The following NWD1 variants were observed in gnomAD, a reference collection of about 807,000 sequenced individuals.
The protein encoded by NWD1 is NACHT domain- and WD repeat-containing protein 1.
Under a neutral mutation model 135.1 loss-of-function variants are expected in NWD1, and 129 were observed. The ratio of observed to expected loss-of-function variants is 0.96; its 90% confidence interval spans 0.83 to 1.11. The LOEUF (loss-of-function observed/expected upper bound fraction) is 1.11, where lower values mean the gene tolerates loss of function less well. Ranked by LOEUF, NWD1 falls within the 50% of genes least tolerant of loss-of-function variation. The probability of loss-of-function intolerance (pLI) is 0.00; values close to 1 mark genes in which losing one functional copy is unlikely to be tolerated. For synonymous variants in NWD1, 773 were observed against 786.0 expected (o/e 0.98, Z 0.28); for missense variants, 1,740 against 1,851.3 (o/e 0.94, Z 1.10).
Position 16,790,645 on chromosome 19 carries a change from AT to A in NWD1, c.2941-704del, listed in dbSNP as rs199698658. Among the ~76,000 whole-genome samples, 436 of 118,356 alleles carry A rather than the reference AT, an allele frequency of 3.7e-3. 1 individual carries two copies. The highest frequency in any genetic ancestry group is 0.017 in the African/African-American group (342 of 20,240). The allele number at this position is 118,356 out of a possible 152,430, so 77.6% of individuals were successfully genotyped here. A position where few individuals can be genotyped will look rare whatever the true frequency, so the allele number is the denominator to read the frequency against. On this transcript the variant is annotated intron_variant, in intron 13 of 18. Transcript: ENST00000524140. ...TGAAAGTAACATTAAAAAAAAATAA[AT>A]AAATAAATAAATAAATAAATAAATA...
At chr19:16,729,939 AAAAG>A (rs1967489381) in intron 2 of NWD1, among the ~76,000 whole-genome samples, 1 of 151,932 alleles carries the variant, frequency 6.6e-6, no homozygotes, top group Admixed American at 6.6e-5. Context: ...GGAAAGAAGG[AAAAG>A]AAAGAAAGAT....
chr19:16,794,645 G>A lies in NWD1; in HGVS notation c.3304+92G>A, dbSNP rs376063372. 305 of 894,384 alleles carry A rather than the reference G, an allele frequency of 3.4e-4. 1 individual carries two copies. In the South Asian group the frequency reaches 4.2e-3, roughly 12 times the overall value. The allele number at this position is 894,384 out of a possible 1,614,324, so 55.4% of individuals were successfully genotyped here. Reference sequence around the variant, plus strand: ...GGCTTGGGAACAGAGAGAAGTCCTAGGGCCAGAGGTTAGCAACGTTTTCTG... The same window carrying A: ...GGCTTGGGAACAGAGAGAAGTCCTAAGGCCAGAGGTTAGCAACGTTTTCTG... On this transcript the variant is annotated intron_variant, in intron 15 of 18. Transcript: ENST00000524140.
intron 2 of NWD1, among the ~76,000 whole-genome samples, chr19:16,725,290 C>A (rs1170035207): frequency 1.3e-5 from 2 of 151,848 alleles, no homozygotes; most frequent in Non-Finnish European, 2.9e-5. Context: ...AGGCATGATC[C>A]ACTGGGCCCA....
chr19:16,744,919 C>G (rs1257829476), intron 5 of NWD1: 1 of 654,806 alleles, frequency 1.5e-6, no homozygotes, highest in East Asian at 2.7e-5. Flanking sequence ...ATCTTGGTCT[C>G]AGGATCTTCC....
At chr19:16,744,942 C>T in intron 5 of NWD1, 1 of 649,884 alleles carries the variant, frequency 1.5e-6, no homozygotes, top group South Asian at 1.7e-5. Flanking sequence ...TCCTCGCTGG[C>T]TCTTTCTTCT....
At position 16,807,756 on chromosome 19, in the gene NWD1, A is replaced by C. The variant is rs760712988; in HGVS notation, c.3907A>C (p.Asn1303His). 2 of 1,613,284 alleles carry C rather than the reference A, an allele frequency of 1.2e-6. No homozygotes were observed. Among genetic ancestry groups the C allele is most frequent in the Middle Eastern group, 1.6e-4 (1 of 6,062 alleles). Residue 1303 changes from asparagine (N) to histidine (H), a missense_variant, in exon 18 of 19, where the codon AAC becomes CAC. Coordinates refer to ENST00000524140, the MANE Select transcript of NWD1 (RefSeq NM_001007525.5). ...CCCTCCCGAGGCCCGGAAAGCAATC[A>C]ACTGCATGTCCCTGAGCAAGTGCGA... Reference protein sequence around the residue: ...IPPPEARKAINCMSLSKCEDR... With the variant: ...IPPPEARKAIHCMSLSKCEDR...
At chr19:16,782,876 CTT>C (rs1412371766) in intron 12 of NWD1, among the ~76,000 whole-genome samples, 1 of 148,860 alleles carries the variant, frequency 6.7e-6, no homozygotes, top group East Asian at 1.9e-4. Context: ...TTCTTTCTTT[CTT>C]TCTTTCTCTT....
chr19:16,755,160 ATATC>A (rs754805983), intron 6 of NWD1, among the ~76,000 whole-genome samples: 24 of 152,044 alleles, frequency 1.6e-4, no homozygotes, highest in Non-Finnish European at 3.2e-4. Flanking sequence ...ATAAATCTCT[ATATC>A]TATCTCTCTA....
chr19:16,770,895 G>A (rs773129278), intron 10 of NWD1, among the ~76,000 whole-genome samples: 2 of 152,208 alleles, frequency 1.3e-5, no homozygotes, highest in East Asian at 1.9e-4. Flanking sequence ...GCTGGTGCCT[G>A]CAATCATTTA....
intron 12 of NWD1, among the ~76,000 whole-genome samples, chr19:16,787,457 T>C (rs1329388723): frequency 6.6e-6 from 1 of 152,198 alleles, no homozygotes; most frequent in East Asian, 1.9e-4. Flanking sequence ...ACTGATTGAC[T>C]CCCAACCAGT....
chr19:16,779,603 T>C lies in NWD1; in HGVS notation c.2731+138T>C. On this transcript the variant is annotated intron_variant, in intron 12 of 18. Coordinates refer to ENST00000524140, the MANE Select transcript of NWD1 (RefSeq NM_001007525.5). ...GCATCACTTAGCTATAGTTGCATAATGAACCATCCCCAAACACAGTAGTTT... is the reference window on the plus strand; with the variant it reads ...GCATCACTTAGCTATAGTTGCATAACGAACCATCCCCAAACACAGTAGTTT... 3 of 757,414 alleles carry C rather than the reference T, an allele frequency of 4.0e-6. No homozygotes were observed. The South Asian group carries it at 5.0e-5, about 13-fold the overall frequency. 46.9% of individuals were successfully genotyped at this position (757,414 alleles called of 1,614,324 possible). A position where few individuals can be genotyped will look rare whatever the true frequency, so the allele number is the denominator to read the frequency against.
intron 12 of NWD1, among the ~76,000 whole-genome samples, chr19:16,781,963 G>A (rs1969868194): frequency 6.6e-6 from 1 of 151,552 alleles, no homozygotes; most frequent in South Asian, 2.1e-4. Context: ...GCGTGATGGT[G>A]GGTGCCTGTA....
intron 7 of NWD1, 29 bp from the exon 8 acceptor site, chr19:16,761,950 G>A (rs752111178): frequency 6.3e-7 from 1 of 1,586,888 alleles, no homozygotes; most frequent in Non-Finnish European, 8.6e-7. Flanking sequence ...GGTCACCCAG[G>A]TCTATCAGTC....
intron 18 of NWD1, 78 bp downstream of exon 18, chr19:16,808,214 C>A (rs866151058): frequency 1.5e-6 from 2 of 1,355,064 alleles, no homozygotes; most frequent in South Asian, 1.2e-5. Context: ...TTACTAAGCA[C>A]ACACCATGGG....
intron 13 of NWD1, 138 bp from the exon 14 acceptor site, chr19:16,791,212 T>C: frequency 1.3e-6 from 1 of 752,482 alleles, no homozygotes; most frequent in Non-Finnish European, 2.2e-6. Context: ...CCAGCCTGGG[T>C]GAAAAAGAGA....
intron 6 of NWD1, 75 bp from the exon 7 acceptor site, chr19:16,759,150 C>G: frequency 7.8e-7 from 1 of 1,281,166 alleles, no homozygotes; most frequent in Non-Finnish European, 1.1e-6. Flanking sequence ...GTATCCCTCC[C>G]TCTCTTGGAT....
rs994515380 is a variant in NWD1 at position 16,816,101 on chromosome 19, C to T, written c.*1062C>T. On this transcript the variant is annotated 3_prime_UTR_variant, in exon 19 of 19. Transcript: ENST00000524140. ...CACCACACTCAAATGCTCACAGGAG[C>T]TAGTGACTAATCTAGACACTTCCAT... is the stretch of plus-strand genomic sequence containing the variant. 2 of 152,254 alleles carry T rather than the reference C, an allele frequency of 1.3e-5. No homozygotes were observed. The highest frequency in any genetic ancestry group is 4.8e-5 in the African/African-American group (2 of 41,432). The allele number at this position is 152,254 out of a possible 1,614,324, so 9.4% of individuals were successfully genotyped here.
At chr19:16,760,639 A>G (rs1229297187) in intron 7 of NWD1, among the ~76,000 whole-genome samples, 1 of 151,942 alleles carries the variant, frequency 6.6e-6, no homozygotes, top group East Asian at 1.9e-4. Context: ...TGCCCAGGCT[A>G]GAGTGCAGCG....
In NWD1 at chr19:16,815,110, G is replaced by C; in HGVS notation, c.*71G>C. On this transcript the variant is annotated 3_prime_UTR_variant, in exon 19 of 19. Transcript: ENST00000524140. ...CCAGTGGCTTCATTGCCCCCACCAGGCATGGTTATCTGATCCGAGAGAATT... is the reference window on the plus strand; with the variant it reads ...CCAGTGGCTTCATTGCCCCCACCAGCCATGGTTATCTGATCCGAGAGAATT... 1 of 1,456,376 alleles carries C rather than the reference G, an allele frequency of 6.9e-7. No homozygotes were observed. Among genetic ancestry groups the C allele is most frequent in the Non-Finnish European group, 9.7e-7 (1 of 1,036,226 alleles). 90.2% of individuals were successfully genotyped at this position (1,456,376 alleles called of 1,614,324 possible). A position where few individuals can be genotyped will look rare whatever the true frequency, so the allele number is the denominator to read the frequency against.
Sources: allele counts gnomAD v4.1 joint callset (sites outside exome capture counted in the v4.1 genomes callset), GRCh38; gene constraint gnomAD v4.1.1; transcripts MANE v1.5; gene names NCBI Gene and HGNC (gene_info 2026-07-23, HGNC 2026-07-21).